The following ROBO2 variants were observed in gnomAD, a reference collection of about 807,000 sequenced individuals.
ROBO2 encodes roundabout guidance receptor 2.
ROBO2 carries 53 observed loss-of-function variants against 160.8 expected under a neutral mutation model. The observed-to-expected ratio is 0.33, with a 90% CI of 0.26 to 0.41. The LOEUF (loss-of-function observed/expected upper bound fraction) is 0.41, where lower values mean the gene tolerates loss of function less well. Ranked by LOEUF, ROBO2 falls within the 10% of genes least tolerant of loss-of-function variation. The pLI, the probability that ROBO2 is intolerant of heterozygous loss-of-function variation, is 1.00. For synonymous variants in ROBO2, 664 were observed against 611.7 expected, an observed-to-expected ratio of 1.09 and a Z score of -1.26; for missense variants, 1,577 against 1,722.4, an observed-to-expected ratio of 0.92 and a Z score of 1.49.
intron 2 of ROBO2, among the ~76,000 whole-genome samples, chr3:75,954,236 T>C (rs577722775): frequency 1.3e-5 from 2 of 151,974 alleles, no homozygotes; most frequent in African/African-American, 4.8e-5. Context: ...TGTATATTTT[T>C]TTATTCCTCA....
At chr3:77,595,593 T>G (rs968236660) in intron 18 of ROBO2, among the ~76,000 whole-genome samples, 2 of 152,186 alleles carry the variant, frequency 1.3e-5, no homozygotes, top group Non-Finnish European at 2.9e-5. Context: ...GGCTATAGAT[T>G]GATAGGACTG....
chr3:76,296,414 A>G (rs761636902), intron 2 of ROBO2, among the ~76,000 whole-genome samples: 2 of 152,200 alleles, frequency 1.3e-5, no homozygotes, highest in Non-Finnish European at 2.9e-5. Context: ...GCTTGTGCTC[A>G]GATAATTTCC....
chr3:76,160,471 T>C (rs1450735652), intron 2 of ROBO2, among the ~76,000 whole-genome samples: 1 of 152,158 alleles, frequency 6.6e-6, no homozygotes, highest in Non-Finnish European at 1.5e-5. Flanking sequence ...TCATCCCCAT[T>C]AGGACATGTA....
At chr3:77,450,738 G>A (rs2081030809) in intron 2 of ROBO2, among the ~76,000 whole-genome samples, 1 of 152,078 alleles carries the variant, frequency 6.6e-6, no homozygotes, top group Non-Finnish European at 1.5e-5. Flanking sequence ...CGATTTTCTT[G>A]TGTTATTCAT....
intron 6 of ROBO2, among the ~76,000 whole-genome samples, chr3:77,542,476 A>G (rs2092511924): frequency 6.6e-6 from 1 of 152,238 alleles, no homozygotes; most frequent in Non-Finnish European, 1.5e-5. Context: ...AATGCATTTG[A>G]AATACAACAC....
intron 2 of ROBO2, among the ~76,000 whole-genome samples, chr3:77,250,303 C>T (rs924902332): frequency 9.9e-5 from 15 of 152,132 alleles, no homozygotes; most frequent in Non-Finnish European, 1.9e-4. Flanking sequence ...TTGAGGATTC[C>T]GTCTGGTATT....
intron 2 of ROBO2, among the ~76,000 whole-genome samples, chr3:76,003,328 A>T (rs1436713837): frequency 6.6e-6 from 1 of 152,172 alleles, no homozygotes; most frequent in African/African-American, 2.4e-5. Context: ...TTCAATTTAT[A>T]CTGTCATAGA....
At chr3:75,991,586 A>G (rs1028664529) in intron 2 of ROBO2, among the ~76,000 whole-genome samples, 1 of 152,098 alleles carries the variant, frequency 6.6e-6, no homozygotes, top group Non-Finnish European at 1.5e-5. Context: ...AGTCTCAGGT[A>G]TGTCTTTATG....
intron 2 of ROBO2, among the ~76,000 whole-genome samples, chr3:77,264,352 G>A (rs951087556): frequency 1.8e-4 from 27 of 151,954 alleles, no homozygotes; most frequent in South Asian, 2.1e-4. Context: ...TTCATTGTTC[G>A]CCGAATCCAT....
At chr3:76,222,800 G>A (rs765576993) in intron 2 of ROBO2, among the ~76,000 whole-genome samples, 3 of 150,746 alleles carry the variant, frequency 2.0e-5, no homozygotes, top group Non-Finnish European at 4.4e-5. Flanking sequence ...TGTCGCCCAC[G>A]CTGGGGTGCA....
rs114571615 is a variant in ROBO2, at chr3:77,602,294, C to T, written c.2939C>T (p.Thr980Ile). The change falls in exon 20 of 26, where the codon ACT (threonine) becomes ATT (isoleucine). Residue 980 changes from threonine (T) to isoleucine (I), a missense_variant. This residue lies in a region of ROBO2 where 637 missense variants were observed against 586.9 expected (regional missense o/e 1.09). Coordinates refer to ENST00000461745, the Ensembl canonical transcript of ROBO2. The stretch of plus-strand genomic sequence containing the variant: ...GCCATTTATAGTAGCATTGACTTCA[C>T]TACCAAAACCAGTTACAACAGTTCC... 1.9e-4 allele frequency: 311 copies of T among 1,614,178 alleles called. No homozygotes were observed. In the African/African-American group the frequency reaches 3.8e-3, roughly 20 times the overall value.
chr3:76,523,076 T>G (rs1296827290), intron 2 of ROBO2, among the ~76,000 whole-genome samples: 1 of 150,256 alleles, frequency 6.7e-6, no homozygotes, highest in Non-Finnish European at 1.5e-5. Flanking sequence ...CAGCTAGTAC[T>G]GCAAGTGGAA....
intron 5 of ROBO2, among the ~76,000 whole-genome samples, chr3:77,506,442 A>G (rs2153612292): frequency 6.6e-6 from 1 of 152,292 alleles, no homozygotes; most frequent in Non-Finnish European, 1.5e-5. Flanking sequence ...AATCCTAAAT[A>G]TCCAGTCCTA....
intron 2 of ROBO2, among the ~76,000 whole-genome samples, chr3:76,675,423 C>T (rs922834926): frequency 5.8e-5 from 7 of 119,664 alleles, no homozygotes; most frequent in African/African-American, 2.5e-4. Context: ...GATTTTCTCC[C>T]CAGGGGGGAA....
intron 17 of ROBO2, among the ~76,000 whole-genome samples, chr3:77,591,766 A>G (rs1394697355): frequency 6.6e-6 from 1 of 152,178 alleles, no homozygotes; most frequent in Non-Finnish European, 1.5e-5. Flanking sequence ...CAAAATTGTG[A>G]CAAGAGCAAG....
At chr3:76,116,834 G>A (rs1348656016) in intron 2 of ROBO2, among the ~76,000 whole-genome samples, 1 of 152,064 alleles carries the variant, frequency 6.6e-6, no homozygotes, top group Admixed American at 6.6e-5. Context: ...CCTTAATTTA[G>A]CTGCATATTT....
rs553471286 is a variant in ROBO2, at chr3:77,066,921, C to T, written c.61+26075C>T. Among the ~76,000 whole-genome samples the T allele has an allele frequency of 3.9e-5, 6 of 151,900 alleles. No homozygotes were observed. The South Asian group carries it at 1.2e-3, about 32-fold the overall frequency. ...CCATTTTTAGTTTGCAAATGTTTGACTCTTCATTTGCTTTTAGTTTAAATA... is the reference window on the plus strand; with the variant it reads ...CCATTTTTAGTTTGCAAATGTTTGATTCTTCATTTGCTTTTAGTTTAAATA... On this transcript the variant is annotated intron_variant, in intron 1 of 25. Coordinates refer to ENST00000461745, the Ensembl canonical transcript of ROBO2.
At chr3:77,290,164 G>A (rs962480568) in intron 2 of ROBO2, among the ~76,000 whole-genome samples, 3 of 151,518 alleles carry the variant, frequency 2.0e-5, no homozygotes, top group Non-Finnish European at 4.4e-5. Context: ...GCTGAGGCTA[G>A]ATCACCCAAG....
intron 2 of ROBO2, among the ~76,000 whole-genome samples, chr3:76,905,827 T>G (rs2075564955): frequency 6.6e-6 from 1 of 152,200 alleles, no homozygotes; most frequent in African/African-American, 2.4e-5. Context: ...AATGTTATCC[T>G]TTAAAGACTT....
Sources: allele counts gnomAD v4.1 joint callset (sites outside exome capture counted in the v4.1 genomes callset), GRCh38; gene constraint gnomAD v4.1.1; regional missense constraint gnomAD v4.1.1; transcripts MANE v1.5; gene names NCBI Gene and HGNC (gene_info 2026-07-23, HGNC 2026-07-21).